Variants in FBXO4 observed in about 807,000 individuals in gnomAD.
The protein encoded by FBXO4 is F-box only protein 4.
In FBXO4, 36 loss-of-function variants were observed where a neutral mutation model predicts 43.7. The ratio of observed to expected loss-of-function variants is 0.82; its 90% CI spans 0.63 to 1.09. FBXO4 has a LOEUF of 1.09. Ranked by LOEUF, FBXO4 falls within the 50% of genes least tolerant of loss-of-function variation. The pLI, the probability that FBXO4 is intolerant of heterozygous loss-of-function variation, is 0.00. For missense variants in FBXO4, 435 were observed against 474.1 expected, an observed-to-expected ratio of 0.92 and a Z score of 0.77; for synonymous variants, 180 against 165.6, an observed-to-expected ratio of 1.09 and a Z score of -0.67.
the FBXO4 span, among the ~76,000 whole-genome samples, chr5:42,011,633 T>G: frequency 6.6e-6 from 1 of 152,246 alleles, no homozygotes; most frequent in African/African-American, 2.4e-5. Flanking sequence ...GAGGCTCTAT[T>G]GTTTCTCATT....
intron 5 of FBXO4, 100 bp from the exon 6 acceptor site, chr5:41,939,340 CT>C: frequency 1.9e-6 from 2 of 1,046,392 alleles, no homozygotes; most frequent in Non-Finnish European, 1.4e-6. Context: ...TGTTTGGATC[CT>C]GGTAAATTTT....
the FBXO4 span, among the ~76,000 whole-genome samples, chr5:42,037,581 CT>C: frequency 6.6e-6 from 1 of 152,054 alleles, no homozygotes; most frequent in Non-Finnish European, 1.5e-5. Flanking sequence ...CACGTAGACT[CT>C]GTTAGAAGAT....
the FBXO4 span, among the ~76,000 whole-genome samples, chr5:42,014,679 AC>A: frequency 6.6e-6 from 1 of 152,174 alleles, no homozygotes; most frequent in Non-Finnish European, 1.5e-5. Context: ...TAGAGAGCAC[AC>A]AATACAAGAA....
At position 41,934,676 on chromosome 5, in the gene FBXO4, T is replaced by A. The variant is rs1020546541; in HGVS notation, c.898+368T>A. ...TTATGCTTCTGCATTTTTTTGATAC[T>A]GACATTTTGTCTGCTTCTGGCTTTA... On this transcript the variant is annotated intron_variant, in intron 5 of 6. Transcript: ENST00000281623. The A allele has an allele frequency of 3.7e-6, 4 of 1,083,706 alleles. No homozygotes were observed. The African/African-American group carries it at 4.9e-5, about 13-fold the overall frequency. The allele number at this position is 1,083,706 out of a possible 1,614,324, so 67.1% of individuals were successfully genotyped here.
chr5:41,954,475 C>T, the FBXO4 span, among the ~76,000 whole-genome samples: 1 of 152,168 alleles, frequency 6.6e-6, no homozygotes, highest in Non-Finnish European at 1.5e-5. Context: ...TATAACCACT[C>T]TCCTCAAAGC....
intron 1 of FBXO4, 98 bp downstream of exon 1, chr5:41,925,596 C>A (rs1312766118): frequency 2.1e-6 from 2 of 944,966 alleles, no homozygotes; most frequent in Non-Finnish European, 1.4e-6. Flanking sequence ...TCTCGCGCCC[C>A]GGCCTGGGTC....
downstream of FBXO4, among the ~76,000 whole-genome samples, chr5:41,943,529 A>G (rs1752034760): frequency 6.6e-6 from 1 of 152,152 alleles, no homozygotes; most frequent in Non-Finnish European, 1.5e-5. Flanking sequence ...GAAGGCCTCA[A>G]CTTCAGTACT....
At chr5:41,984,469 A>T in the FBXO4 span, among the ~76,000 whole-genome samples, 1 of 152,126 alleles carries the variant, frequency 6.6e-6, no homozygotes, top group African/African-American at 2.4e-5. Flanking sequence ...CATGTGTTAT[A>T]TTACAGGGAC....
chr5:41,967,883 C>G, the FBXO4 span: 1 of 573,704 alleles, frequency 1.7e-6, no homozygotes, highest in Admixed American at 1.9e-5. Context: ...GCTGGTTTCA[C>G]AATTATCTCA....
the FBXO4 span, among the ~76,000 whole-genome samples, chr5:41,987,523 C>T: frequency 4.6e-5 from 7 of 152,068 alleles, no homozygotes; most frequent in Admixed American, 2.6e-4. Context: ...TAATAAGCTC[C>T]TTGTGAGGAA....
the FBXO4 span, among the ~76,000 whole-genome samples, chr5:41,949,074 A>C: frequency 6.6e-6 from 1 of 152,236 alleles, no homozygotes; most frequent in Non-Finnish European, 1.5e-5. Context: ...CAAAATAATA[A>C]GAGCTATTTA....
chr5:41,963,145 C>G, the FBXO4 span, among the ~76,000 whole-genome samples: 1 of 152,010 alleles, frequency 6.6e-6, no homozygotes, highest in African/African-American at 2.4e-5. Context: ...TGATAGTTTA[C>G]ATATAAATGA....
the FBXO4 span, chr5:41,951,436 T>G: frequency 4.2e-6 from 1 of 236,756 alleles, no homozygotes. Context: ...AAAGCACACA[T>G]GCAACCTGCA....
chr5:42,012,932 G>T, the FBXO4 span, among the ~76,000 whole-genome samples: 2 of 152,138 alleles, frequency 1.3e-5, no homozygotes, highest in Admixed American at 6.6e-5. Flanking sequence ...ATCCTATAAA[G>T]AATTGCCTAA....
chr5:41,977,664 C>T, the FBXO4 span, among the ~76,000 whole-genome samples: 1 of 152,206 alleles, frequency 6.6e-6, no homozygotes. Context: ...TCAAAAAACT[C>T]CTGACCTCAG....
chr5:42,006,785 C>A, the FBXO4 span, among the ~76,000 whole-genome samples: 3 of 150,296 alleles, frequency 2.0e-5, no homozygotes, highest in African/African-American at 4.9e-5. Flanking sequence ...CACTTTGGTT[C>A]TGTTGAAGAT....
chr5:42,018,860 T>C, the FBXO4 span, among the ~76,000 whole-genome samples: 2 of 152,170 alleles, frequency 1.3e-5, no homozygotes, highest in African/African-American at 4.8e-5. Flanking sequence ...AACTTCATCT[T>C]TGTCAATGCA....
intron 1 of FBXO4, among the ~76,000 whole-genome samples, chr5:41,925,841 A>G (rs1308708108): frequency 2.0e-5 from 3 of 152,176 alleles, no homozygotes; most frequent in African/African-American, 7.2e-5. Context: ...ACAGTTCCCA[A>G]CTTGCTGATT....
the FBXO4 span, among the ~76,000 whole-genome samples, chr5:41,991,022 A>G: frequency 1.3e-5 from 2 of 152,208 alleles, no homozygotes; most frequent in Non-Finnish European, 2.9e-5. Flanking sequence ...TGAATTAAAT[A>G]TGATGGGTTG....
Sources: gnomAD v4.1 joint callset for allele counts (sites outside exome capture counted in the v4.1 genomes callset) on GRCh38, gnomAD v4.1.1 for gene constraint, MANE v1.5 for transcripts, NCBI Gene and HGNC (gene_info 2026-07-23, HGNC 2026-07-21) for gene names.